Variants in PRIM2 observed in about 807,000 individuals in gnomAD.
PRIM2 encodes DNA primase subunit 2.
Under a neutral mutation model 67.3 loss-of-function variants are expected in PRIM2, and 39 were observed. That is an observed-to-expected ratio of 0.58 (90% CI 0.45 to 0.76). PRIM2 has a LOEUF of 0.76. Ranked by LOEUF, PRIM2 falls within the 30% of genes least tolerant of loss-of-function variation. The pLI is 0.00. For synonymous variants in PRIM2, 143 were observed against 198.7 expected (o/e 0.72, Z 2.36); for missense variants, 398 against 598.7 (o/e 0.66, Z 3.50).
At chr6:57,368,673 A>C (rs541268657) in intron 5 of PRIM2, among the ~76,000 whole-genome samples, 38 of 152,338 alleles carry the variant, frequency 2.5e-4, no homozygotes, top group Admixed American at 9.8e-4. Context: ...TTAAGTGCAG[A>C]ATGTACAGTA....
At chr6:57,238,169 A>G in the PRIM2 span, among the ~76,000 whole-genome samples, 4 of 152,234 alleles carry the variant, frequency 2.6e-5, no homozygotes, top group African/African-American at 4.8e-5. Context: ...CAGAAAGTTA[A>G]CAAGGATATC....
chr6:57,401,764 G>C (rs1323960945), intron 7 of PRIM2, among the ~76,000 whole-genome samples: 2 of 152,204 alleles, frequency 1.3e-5, no homozygotes, highest in Non-Finnish European at 1.5e-5. Context: ...GAGGGCCTGT[G>C]CTGTGGCCCC....
chr6:57,332,687 G>C (rs1380991319), intron 5 of PRIM2, among the ~76,000 whole-genome samples: 2 of 151,966 alleles, frequency 1.3e-5, no homozygotes, highest in Non-Finnish European at 2.9e-5. Flanking sequence ...AGCCATTCCA[G>C]ATCTTTTATG....
At chr6:57,503,806 T>C (rs1404465026) in intron 7 of PRIM2, among the ~76,000 whole-genome samples, 1 of 152,000 alleles carries the variant, frequency 6.6e-6, no homozygotes, top group African/African-American at 2.4e-5. Context: ...GTGGTGCGTG[T>C]TATAGTATAT....
intron 10 of PRIM2, among the ~76,000 whole-genome samples, chr6:57,562,413 T>C (rs1177588769): frequency 2.6e-5 from 4 of 152,214 alleles, no homozygotes; most frequent in African/African-American, 9.7e-5. Context: ...TCTTCTTAGA[T>C]AGTTTAGCAC....
At chr6:57,520,146 T>C in intron 8 of PRIM2, among the ~76,000 whole-genome samples, 1 of 152,320 alleles carries the variant, frequency 6.6e-6, no homozygotes, top group Non-Finnish European at 1.5e-5. Context: ...ATAATAATCC[T>C]CATTAACTGT....
At chr6:57,605,664 TTAAAA>T (rs1468094945) in intron 11 of PRIM2, among the ~76,000 whole-genome samples, 5 of 152,206 alleles carry the variant, frequency 3.3e-5, no homozygotes, top group African/African-American at 1.2e-4. Context: ...TTGCAGTTTA[TTAAAA>T]TATCTAAAAT....
rs1775421402 is a variant in PRIM2, at chr6:57,552,331, G to A, written c.1020+14706G>A. Among the ~76,000 whole-genome samples, 3 of 152,154 alleles carry A rather than the reference G, an allele frequency of 2.0e-5. No homozygotes were observed. In the South Asian group the frequency reaches 6.2e-4, roughly 32 times the overall value. ...TGGAGGGGCTGTCATTTAAAACAAG[G>A]TACCAGGCTCTGTCTGTGACTCTAG... is the stretch of plus-strand genomic sequence containing the variant. On this transcript the variant is annotated intron_variant, in intron 10 of 13. Transcript: ENST00000615550.
At chr6:57,494,583 G>C (rs1773965515) in intron 7 of PRIM2, among the ~76,000 whole-genome samples, 1 of 152,116 alleles carries the variant, frequency 6.6e-6, no homozygotes, top group Non-Finnish European at 1.5e-5. Flanking sequence ...AGGGGTTTCT[G>C]TGTTGTTAAA....
At chr6:57,549,978 G>A (rs1387635884) in intron 10 of PRIM2, among the ~76,000 whole-genome samples, 10 of 152,050 alleles carry the variant, frequency 6.6e-5, no homozygotes, top group Admixed American at 2.6e-4. Flanking sequence ...CCAGCTACTC[G>A]GGAGGCTGAG....
intron 10 of PRIM2, among the ~76,000 whole-genome samples, chr6:57,592,333 A>G (rs1776294597): frequency 1.3e-5 from 2 of 152,224 alleles, no homozygotes; most frequent in African/African-American, 4.8e-5. Flanking sequence ...TTTAAATGCC[A>G]TATCCTTATG....
chr6:57,222,335 G>A, the PRIM2 span: 5 of 152,166 alleles, frequency 3.3e-5, no homozygotes, highest in African/African-American at 4.8e-5. Context: ...CGCATGCTCT[G>A]TGCGGACCCG....
At chr6:57,315,104 G>T (rs1418703303), upstream of PRIM2, among the ~76,000 whole-genome samples, 4 of 152,164 alleles carry the variant, frequency 2.6e-5, no homozygotes, top group Non-Finnish European at 5.9e-5. Flanking sequence ...TCTCTGAGCT[G>T]GTCATGAAAT....
chr6:57,592,790 C>CAAA (rs1181535156), intron 10 of PRIM2, among the ~76,000 whole-genome samples: 6 of 111,240 alleles, frequency 5.4e-5, no homozygotes, highest in African/African-American at 1.7e-4. Flanking sequence ...GACTCTGTCT[C>CAAA]AAAAAAAAAA....
chr6:57,408,702 A>G (rs1770984363), intron 7 of PRIM2, among the ~76,000 whole-genome samples: 1 of 152,056 alleles, frequency 6.6e-6, no homozygotes, highest in African/African-American at 2.4e-5. Flanking sequence ...TGTGCTTTCG[A>G]CATTCATCTA....
chr6:57,601,390 T>C (rs1776461312), intron 11 of PRIM2, among the ~76,000 whole-genome samples, 171 bp downstream of exon 11: 1 of 152,252 alleles, frequency 6.6e-6, no homozygotes, highest in South Asian at 2.1e-4. Context: ...ATTTGTCTTA[T>C]TACTGAACTA....
the PRIM2 span, among the ~76,000 whole-genome samples, chr6:57,244,960 G>C: frequency 6.6e-6 from 1 of 152,196 alleles, no homozygotes; most frequent in Non-Finnish European, 1.5e-5. Context: ...CTCTCACTCT[G>C]CTCAGGTCAG....
chr6:57,236,697 A>G, the PRIM2 span, among the ~76,000 whole-genome samples: 1 of 152,082 alleles, frequency 6.6e-6, no homozygotes, highest in Non-Finnish European at 1.5e-5. Flanking sequence ...TAGTTTGCTG[A>G]GAATGATGGT....
intron 5 of PRIM2, among the ~76,000 whole-genome samples, chr6:57,362,354 A>G (rs3800010): frequency 0.058 from 8,872 of 152,162 alleles, 488 homozygotes; most frequent in African/African-American, 0.14. Flanking sequence ...AAATCAATTT[A>G]TTTTTTGGAA....
Sources: gnomAD v4.1 joint callset for allele counts (sites outside exome capture counted in the v4.1 genomes callset) on GRCh38, gnomAD v4.1.1 for gene constraint, MANE v1.5 for transcripts, NCBI Gene and HGNC (gene_info 2026-07-23, HGNC 2026-07-21) for gene names.